BBX: variants seen among roughly 807,000 people sequenced by gnomAD.
BBX encodes the protein HMG box transcription factor BBX.
BBX carries 30 observed loss-of-function variants against 100.2 expected under a neutral mutation model. The observed-to-expected ratio is 0.30, with a 90% confidence interval of 0.22 to 0.41. BBX has a LOEUF of 0.41. BBX is among the 10% of genes least tolerant of loss of function. The pLI is 1.00. For synonymous variants in BBX, 376 were observed against 388.1 expected (o/e 0.97, Z 0.37); for missense variants, 1,023 against 1,129.8 (o/e 0.91, Z 1.35).
chr3:107,679,839 C>T (rs2059483035), intron 3 of BBX, among the ~76,000 whole-genome samples: 1 of 152,132 alleles, frequency 6.6e-6, no homozygotes, highest in African/African-American at 2.4e-5. Context: ...ATTACTCTTC[C>T]CCAAAGCCAT....
chr3:107,708,156 T>C (rs2061493794), intron 3 of BBX, among the ~76,000 whole-genome samples: 1 of 152,224 alleles, frequency 6.6e-6, no homozygotes, highest in Admixed American at 6.5e-5. Flanking sequence ...GTAGATAGAA[T>C]GGGAATTGTT....
Position 107,778,503 on chromosome 3 carries a change from G to T in BBX, c.2187G>T (p.Pro729=), listed in dbSNP as rs751065797. 1.2e-6 allele frequency: 2 copies of T among 1,612,902 alleles called. No homozygotes were observed. Among genetic ancestry groups the T allele is most frequent in the South Asian group, 1.1e-5 (1 of 91,028 alleles). Residue 729 remains proline (P), a synonymous_variant, in exon 13 of 18, where the codon CCG becomes CCT. Transcript: ENST00000325805. ...AGACTGGAAATGTGTCCTCAGAACC[G>T]ACTAAAACCAGCAAAGGTTAGGTGT... ...KKKTGNVSSE[P]TKTSKGPFQS...
intron 2 of BBX, among the ~76,000 whole-genome samples, chr3:107,636,171 A>G (rs749528156): frequency 1.3e-5 from 2 of 152,170 alleles, no homozygotes; most frequent in Non-Finnish European, 2.9e-5. Context: ...GTTCACGAAG[A>G]TGGAATAAGC....
At chr3:107,592,348 G>A (rs1180332778) in intron 2 of BBX, among the ~76,000 whole-genome samples, 2 of 106,962 alleles carry the variant, frequency 1.9e-5, no homozygotes, top group East Asian at 2.9e-4. Flanking sequence ...GTGATAGAGC[G>A]AGACCCTGTC....
chr3:107,799,261 A>T (rs887528007), intron 16 of BBX, among the ~76,000 whole-genome samples: 4 of 152,186 alleles, frequency 2.6e-5, no homozygotes, highest in Non-Finnish European at 5.9e-5. Context: ...TGCAGCCTGC[A>T]GGCCATGGGT....
At chr3:107,634,691 A>T (rs1165682589) in intron 2 of BBX, among the ~76,000 whole-genome samples, 1 of 152,194 alleles carries the variant, frequency 6.6e-6, no homozygotes, top group Non-Finnish European at 1.5e-5. Flanking sequence ...CTGAAAATAG[A>T]ATAATTGAAG....
At chr3:107,600,948 C>T (rs978025366) in intron 2 of BBX, among the ~76,000 whole-genome samples, 12 of 152,248 alleles carry the variant, frequency 7.9e-5, no homozygotes, top group African/African-American at 2.9e-4. Flanking sequence ...AACTCTGCCT[C>T]AAGCAAGTCT....
chr3:107,767,654 A>G (rs1319328762), intron 10 of BBX, among the ~76,000 whole-genome samples: 1 of 152,208 alleles, frequency 6.6e-6, no homozygotes, highest in Non-Finnish European at 1.5e-5. Flanking sequence ...AAATTATTTT[A>G]ATTGGAAAAT....
At chr3:107,782,307 A>C (rs1294916076) in intron 13 of BBX, among the ~76,000 whole-genome samples, 1 of 152,106 alleles carries the variant, frequency 6.6e-6, no homozygotes, top group Non-Finnish European at 1.5e-5. Flanking sequence ...AAATTATTGC[A>C]TAGGAATATA....
At chr3:107,699,643 G>C (rs2060900957) in intron 3 of BBX, among the ~76,000 whole-genome samples, 1 of 151,866 alleles carries the variant, frequency 6.6e-6, no homozygotes, top group Non-Finnish European at 1.5e-5. Flanking sequence ...TGAGAGATTA[G>C]ATGTCAGGGT....
At chr3:107,615,966 T>C (rs1356362885) in intron 2 of BBX, among the ~76,000 whole-genome samples, 1 of 128,740 alleles carries the variant, frequency 7.8e-6, no homozygotes, top group Non-Finnish European at 1.6e-5. Context: ...TCCCCACCCA[T>C]GGAATGAGAA....
intron 10 of BBX, among the ~76,000 whole-genome samples, chr3:107,767,339 CAGGGTAAGG>C (rs2066477649): frequency 6.6e-6 from 1 of 151,890 alleles, no homozygotes; most frequent in East Asian, 1.9e-4. Context: ...AAAGAGGCAT[CAGGGTAAGG>C]CAGAGGCAGC....
Position 107,773,145 on chromosome 3 carries a change from A to G in BBX, c.1424A>G (p.Lys475Arg). 1 of 1,614,154 alleles carries G rather than the reference A, an allele frequency of 6.2e-7. No homozygotes were observed. The highest frequency in any genetic ancestry group is 8.5e-7 in the Non-Finnish European group (1 of 1,180,024). ...TCCACACCCAAGAAGACTTGCAAAA[A>G]GAGGCAGTCTTCGGAATCTGACATT... Reference protein sequence around the residue: ...DKSTPKKTCKKRQSSESDIES... With the variant: ...DKSTPKKTCKRRQSSESDIES... Residue 475 changes from lysine (K) to arginine (R), a missense_variant, in exon 11 of 18, where the codon AAG becomes AGG. Around this residue, in one of 9 missense-constraint regions of BBX, gnomAD observed 348 missense variants for 353.2 expected, o/e 0.99. Transcript: ENST00000325805. This position sits in a 1 kb window ranked among gnomAD's most constrained non-coding sequence, Gnocchi z 4.1.
intron 16 of BBX, 55 bp downstream of exon 16, chr3:107,798,775 C>T: frequency 1.3e-6 from 2 of 1,490,512 alleles, no homozygotes; most frequent in Admixed American, 1.7e-5. Context: ...TTCCCTGGGC[C>T]ACACTGGAAG....
chr3:107,569,683 T>A, intron 2 of BBX, among the ~76,000 whole-genome samples: 1 of 152,212 alleles, frequency 6.6e-6, no homozygotes, highest in Non-Finnish European at 1.5e-5. Context: ...CAAGTTGGCA[T>A]CAGAGTTGGG....
intron 2 of BBX, among the ~76,000 whole-genome samples, chr3:107,591,383 G>C (rs932560418): frequency 1.7e-4 from 26 of 152,152 alleles, no homozygotes; most frequent in African/African-American, 5.3e-4. Context: ...CAGGGGAGGA[G>C]TGTAAGTCCA....
intron 2 of BBX, among the ~76,000 whole-genome samples, chr3:107,564,796 CTT>C (rs1176597843): frequency 6.6e-6 from 1 of 152,160 alleles, no homozygotes; most frequent in African/African-American, 2.4e-5. Flanking sequence ...AGCAAATTCT[CTT>C]ATTTCTTTTC....
intron 17 of BBX, 135 bp downstream of exon 17, chr3:107,801,416 C>A: frequency 1.1e-6 from 1 of 891,756 alleles, no homozygotes; most frequent in Non-Finnish European, 1.7e-6. Context: ...TGAGGTATTA[C>A]AAAAGCATAT....
chr3:107,701,236 T>C (rs1422664521), intron 3 of BBX, among the ~76,000 whole-genome samples: 1 of 152,122 alleles, frequency 6.6e-6, no homozygotes, highest in Non-Finnish European at 1.5e-5. Flanking sequence ...GTGACAAGGA[T>C]TGCAGGGGAA....
Sources: gnomAD v4.1 joint callset for allele counts (sites outside exome capture counted in the v4.1 genomes callset) on GRCh38, gnomAD v4.1.1 for gene constraint, gnomAD v4.1.1 regional missense constraint, Gnocchi (gnomAD v3.1) non-coding constraint, MANE v1.5 for transcripts, NCBI Gene and HGNC (gene_info 2026-07-23, HGNC 2026-07-21) for gene names.